The following NRG2 variants were observed in gnomAD, a reference collection of about 807,000 sequenced individuals.
The protein encoded by NRG2 is pro-neuregulin-2, membrane-bound isoform.
A neutral mutation model predicts 73.9 loss-of-function variants in NRG2; 27 were observed. The observed-to-expected ratio is 0.37, with a 90% CI of 0.27 to 0.50. NRG2 has a LOEUF of 0.50. NRG2 is among the 20% of genes least tolerant of loss of function. NRG2 has a pLI of 0.96. For missense variants in NRG2, 1,126 were observed against 1,210.1 expected (o/e 0.93, Z 1.03); for synonymous variants, 532 against 541.0 (o/e 0.98, Z 0.23).
intron 9 of NRG2, among the ~76,000 whole-genome samples, chr5:139,849,494 C>G (rs1416008210): frequency 6.6e-6 from 1 of 152,148 alleles, no homozygotes; most frequent in African/African-American, 2.4e-5. Flanking sequence ...CTTCAGAAGT[C>G]TGGCCTTGCT....
intron 1 of NRG2, among the ~76,000 whole-genome samples, chr5:139,977,305 T>G (rs1756449441): frequency 6.6e-6 from 1 of 152,178 alleles, no homozygotes. Flanking sequence ...GAAGTTGTCC[T>G]TGCTATAGAG....
At position 139,848,544 on chromosome 5, in the gene NRG2, G is replaced by C. The variant is rs758602394; in HGVS notation, c.1926C>G (p.Ala642=). The part of the protein sequence containing the change: ...PPAAPISYRL[A]EQQPLLRHPA... The stretch of plus-strand genomic sequence containing the variant: ...GGTGCCGCAGTAACGGCTGCTGCTC[G>C]GCCAGGCGGTAACTGATGGGCGCCG... The change falls in exon 10 of 10, where the codon GCC becomes GCG. Residue 642 remains alanine (A), a synonymous_variant. Transcript: ENST00000361474. The C allele has an allele frequency of 2.0e-6, 3 of 1,494,608 alleles. No homozygotes were observed. The highest frequency in any genetic ancestry group is 2.6e-5 in the South Asian group (2 of 78,092). The allele number at this position is 1,494,608 out of a possible 1,614,324, so 92.6% of individuals were successfully genotyped here. A position where few individuals can be genotyped will look rare whatever the true frequency, so the allele number is the denominator to read the frequency against.
chr5:139,933,906 G>A (rs1340349142), intron 1 of NRG2, among the ~76,000 whole-genome samples: 4 of 152,184 alleles, frequency 2.6e-5, no homozygotes, highest in Non-Finnish European at 4.4e-5. Context: ...AGTTAAAAAT[G>A]AATTAAGAGA....
At position 139,865,771 on chromosome 5, in the gene NRG2, G is replaced by A; in HGVS notation, c.1113-146C>T. 3.2e-6 allele frequency: 2 copies of A among 616,708 alleles called. No homozygotes were observed. The highest frequency in any genetic ancestry group is 5.6e-6 in the Non-Finnish European group (2 of 360,164). The allele number at this position is 616,708 out of a possible 1,614,324, so 38.2% of individuals were successfully genotyped here. A position where few individuals can be genotyped will look rare whatever the true frequency, so the allele number is the denominator to read the frequency against. ...TTGTAGCTGAAGGGACTGGAGTCAGGGCTGGGTGGAGGGCTCTGAAATCTC... is the reference window on the plus strand; with the variant it reads ...TTGTAGCTGAAGGGACTGGAGTCAGAGCTGGGTGGAGGGCTCTGAAATCTC... On this transcript the variant is annotated intron_variant, in intron 4 of 9. Transcript: ENST00000361474. This position sits in a 1 kb window ranked among gnomAD's most constrained non-coding sequence, Gnocchi z 5.2.
At chr5:140,025,162 C>A (rs1027260392) in intron 1 of NRG2, among the ~76,000 whole-genome samples, 1 of 152,198 alleles carries the variant, frequency 6.6e-6, no homozygotes, top group Non-Finnish European at 1.5e-5. Context: ...ACACACATAG[C>A]CCAACACTCC....
chr5:139,969,856 C>T lies in NRG2; in HGVS notation c.700+72514G>A, dbSNP rs373397525. On this transcript the variant is annotated intron_variant, in intron 1 of 9. Coordinates refer to ENST00000361474, the MANE Select transcript of NRG2 (RefSeq NM_004883.3). ...TTTCCCGTCCTTACTGGAACAATTC[C>T]ATGCCTCCCATTGACATATGAACTT... Among the ~76,000 whole-genome samples, 15 of 152,366 alleles carry T rather than the reference C, an allele frequency of 9.8e-5. No individual in the cohort carries two copies. In the South Asian group the frequency reaches 2.7e-3, roughly 27 times the overall value.
rs536331003 is a variant in NRG2 at position 140,000,694 on chromosome 5, C to T, written c.700+41676G>A. On this transcript the variant is annotated intron_variant, in intron 1 of 9. Transcript: ENST00000361474. ...TCTCTTCGGAGCTCTCGAAAATGTT[C>T]CCCAGGCACCACACCTCCTCCTGCT... Among the ~76,000 whole-genome samples, 3 of 152,296 alleles carry T rather than the reference C, an allele frequency of 2.0e-5. No homozygotes were observed. The East Asian group carries it at 5.8e-4, about 29-fold the overall frequency.
chr5:139,898,596 T>C (rs568863046), intron 1 of NRG2, among the ~76,000 whole-genome samples: 7 of 152,234 alleles, frequency 4.6e-5, no homozygotes, highest in Admixed American at 1.3e-4. Context: ...TGTGACCTCC[T>C]CTACCCAGCC....
intron 1 of NRG2, among the ~76,000 whole-genome samples, chr5:139,963,748 C>T (rs1755258562): frequency 9.2e-5 from 14 of 152,158 alleles, no homozygotes; most frequent in Admixed American, 9.2e-4. Flanking sequence ...CCTTCCTGCC[C>T]ACTCTTGCTG....
Position 139,959,325 on chromosome 5 carries a change from G to A in NRG2, c.701-71814C>T, listed in dbSNP as rs149896453. On this transcript the variant is annotated intron_variant, in intron 1 of 9. Coordinates refer to ENST00000361474, the MANE Select transcript of NRG2 (RefSeq NM_004883.3). ...AGCGATTCTCCTGCCTCAGCCTCCC[G>A]AGTAGCTGGGACTACAGACATGTGC... Among the ~76,000 whole-genome samples the A allele has an allele frequency of 4.0e-3, 614 of 152,052 alleles. 3 individuals carry two copies. Among genetic ancestry groups the A allele is most frequent in the African/African-American group, 0.015 (602 of 41,450 alleles).
intron 1 of NRG2, among the ~76,000 whole-genome samples, chr5:139,938,126 A>C (rs980443651): frequency 6.6e-6 from 1 of 152,204 alleles, no homozygotes; most frequent in African/African-American, 2.4e-5. Context: ...GAGAAAAAGT[A>C]AGATCTAAAT....
chr5:139,981,272 C>A (rs551895670), intron 1 of NRG2, among the ~76,000 whole-genome samples: 1 of 152,326 alleles, frequency 6.6e-6, no homozygotes, highest in Non-Finnish European at 1.5e-5. Flanking sequence ...CCTCCGACAT[C>A]CCCTTCCTCC....
At chr5:139,942,389 C>CT (rs1219596952) in intron 1 of NRG2, among the ~76,000 whole-genome samples, 6 of 152,102 alleles carry the variant, frequency 3.9e-5, no homozygotes, top group African/African-American at 7.2e-5. Context: ...CCAATTAAGC[C>CT]TTTTTTCTGC....
At chr5:139,965,019 AC>A (rs904273850) in intron 1 of NRG2, among the ~76,000 whole-genome samples, 1 of 152,226 alleles carries the variant, frequency 6.6e-6, no homozygotes, top group Non-Finnish European at 1.5e-5. Flanking sequence ...GTCTTGATGC[AC>A]GGGCACTAGG....
chr5:139,985,482 C>T (rs1033990386), intron 1 of NRG2, among the ~76,000 whole-genome samples: 5 of 152,178 alleles, frequency 3.3e-5, no homozygotes, highest in Non-Finnish European at 7.4e-5. Context: ...GCTGCCCCTC[C>T]CGAAACAGGA....
intron 1 of NRG2, among the ~76,000 whole-genome samples, chr5:140,009,783 A>G (rs1239320549): frequency 1.2e-4 from 19 of 152,232 alleles, no homozygotes; most frequent in Admixed American, 1.2e-3. Context: ...ACTAAAAATA[A>G]ATGAGCTATC....
intron 1 of NRG2, among the ~76,000 whole-genome samples, chr5:139,998,997 CT>C (rs2126615606): frequency 6.6e-6 from 1 of 152,298 alleles, no homozygotes; most frequent in East Asian, 1.9e-4. Flanking sequence ...TTCAGATCCA[CT>C]TCCTGCTTGA....
chr5:139,966,465 G>A (rs1755525555), intron 1 of NRG2, among the ~76,000 whole-genome samples: 1 of 152,198 alleles, frequency 6.6e-6, no homozygotes, highest in Non-Finnish European at 1.5e-5. Flanking sequence ...AGCACCATCA[G>A]AGGTAAGATC....
intron 1 of NRG2, among the ~76,000 whole-genome samples, chr5:139,978,028 A>G (rs265171): frequency 0.34 from 52,020 of 151,904 alleles, 9,766 homozygotes; most frequent in African/African-American, 0.5. Flanking sequence ...CAGGACATAG[A>G]CATGGGCAAG....
Sources: allele counts gnomAD v4.1 joint callset (sites outside exome capture counted in the v4.1 genomes callset), GRCh38; gene constraint gnomAD v4.1.1; non-coding constraint Gnocchi (gnomAD v3.1); transcripts MANE v1.5; gene names NCBI Gene and HGNC (gene_info 2026-07-23, HGNC 2026-07-21).